PRKG1: variants seen among roughly 807,000 people sequenced by gnomAD.
PRKG1 encodes protein kinase cGMP-dependent 1.
PRKG1 carries 35 observed loss-of-function variants against 88.1 expected under a neutral mutation model. The ratio of observed to expected loss-of-function variants is 0.40; its 90% CI spans 0.30 to 0.53. The LOEUF (loss-of-function observed/expected upper bound fraction) is 0.53, where lower values mean the gene tolerates loss of function less well. Among genes scored for constraint, PRKG1 ranks in the 20% least tolerant of loss-of-function variants. The pLI is 0.59. For missense variants in PRKG1, 540 were observed against 839.8 expected (o/e 0.64, Z 4.41); for synonymous variants, 303 against 292.5 (o/e 1.04, Z -0.37).
chr10:52,160,280 A>G (rs1838244586), intron 8 of PRKG1, among the ~76,000 whole-genome samples: 1 of 152,032 alleles, frequency 6.6e-6, no homozygotes, highest in Non-Finnish European at 1.5e-5. Context: ...TAATATTTGA[A>G]CATATTTTTC....
At chr10:51,021,074 A>C (rs1457100828) in intron 1 of PRKG1, among the ~76,000 whole-genome samples, 16 of 152,158 alleles carry the variant, frequency 1.1e-4, no homozygotes. Context: ...AAGTTAAAAC[A>C]GTGAAGATCC....
intron 3 of PRKG1, among the ~76,000 whole-genome samples, chr10:51,483,900 C>T (rs890638502): frequency 6.6e-6 from 1 of 152,202 alleles, no homozygotes; most frequent in Non-Finnish European, 1.5e-5. Context: ...CAAAGTTTCC[C>T]TCCTTTACCT....
chr10:51,754,885 A>G (rs1837816858), intron 3 of PRKG1, among the ~76,000 whole-genome samples: 1 of 152,062 alleles, frequency 6.6e-6, no homozygotes, highest in South Asian at 2.1e-4. Flanking sequence ...TGTTGCCACT[A>G]TAAAAGCAGT....
chr10:52,012,428 G>A (rs1844913061), intron 5 of PRKG1, among the ~76,000 whole-genome samples: 1 of 152,152 alleles, frequency 6.6e-6, no homozygotes, highest in Middle Eastern at 3.4e-3. Flanking sequence ...ATTTTTAGTA[G>A]AGACAGGGTT....
At chr10:51,800,195 T>A (rs2132602361) in intron 3 of PRKG1, among the ~76,000 whole-genome samples, 1 of 152,050 alleles carries the variant, frequency 6.6e-6, no homozygotes, top group African/African-American at 2.4e-5. Flanking sequence ...AAAATAAGGG[T>A]GCTCTTTTTT....
chr10:52,206,284 G>A (rs574015846), intron 9 of PRKG1, among the ~76,000 whole-genome samples: 1 of 152,114 alleles, frequency 6.6e-6, no homozygotes, highest in South Asian at 2.1e-4. Flanking sequence ...TCTCTAAATG[G>A]CCATTTCCTC....
intron 3 of PRKG1, among the ~76,000 whole-genome samples, chr10:51,668,638 A>T (rs1191492045): frequency 6.6e-6 from 1 of 152,182 alleles, no homozygotes; most frequent in African/African-American, 2.4e-5. Context: ...CATAGTTAAG[A>T]CCTTAAGAAA....
intron 5 of PRKG1, among the ~76,000 whole-genome samples, chr10:52,035,681 A>G (rs1057114234): frequency 5.3e-5 from 8 of 152,234 alleles, no homozygotes; most frequent in South Asian, 4.1e-4. Context: ...TAATTGTGGG[A>G]GACTCAACAA....
chr10:52,265,583 A>T (rs1286013732), intron 10 of PRKG1, among the ~76,000 whole-genome samples: 2 of 152,112 alleles, frequency 1.3e-5, no homozygotes, highest in African/African-American at 4.8e-5. Flanking sequence ...TTCCTTCCCA[A>T]TAAAGGCAAA....
At chr10:51,480,313 G>T (rs1028719929) in intron 3 of PRKG1, among the ~76,000 whole-genome samples, 1 of 152,074 alleles carries the variant, frequency 6.6e-6, no homozygotes, top group Non-Finnish European at 1.5e-5. Context: ...TAATCTCTTT[G>T]CCAAAGGTGT....
intron 3 of PRKG1, among the ~76,000 whole-genome samples, chr10:51,634,889 T>A (rs80130230): frequency 0.021 from 3,230 of 152,204 alleles, 55 homozygotes; most frequent in Non-Finnish European, 0.033. Flanking sequence ...AGCTAAACAT[T>A]GAATTCACAT....
chr10:52,251,697 C>A, intron 10 of PRKG1, 31 bp downstream of exon 10: 6 of 1,541,730 alleles, frequency 3.9e-6, no homozygotes, highest in East Asian at 2.3e-5. Context: ...TGCTTTTGAT[C>A]GCCTCTGCTT....
At chr10:52,047,393 A>T (rs1374644462) in intron 5 of PRKG1, among the ~76,000 whole-genome samples, 1 of 152,102 alleles carries the variant, frequency 6.6e-6, no homozygotes, top group Non-Finnish European at 1.5e-5. Flanking sequence ...CTGTGATGAA[A>T]TCTGTGGTGA....
intron 3 of PRKG1, among the ~76,000 whole-genome samples, chr10:51,742,566 C>T (rs1254407704): frequency 1.3e-5 from 2 of 152,002 alleles, no homozygotes; most frequent in African/African-American, 4.8e-5. Flanking sequence ...CTCAAGTTGC[C>T]GGAACTGGTT....
intron 2 of PRKG1, among the ~76,000 whole-genome samples, chr10:51,311,918 T>C (rs1588824689): frequency 6.6e-6 from 1 of 152,008 alleles, no homozygotes; most frequent in Non-Finnish European, 1.5e-5. Flanking sequence ...GTTACCCAGG[T>C]TGGAGTGCAA....
intron 2 of PRKG1, among the ~76,000 whole-genome samples, chr10:51,450,601 T>C (rs1305748773): frequency 2.0e-5 from 3 of 152,050 alleles, no homozygotes; most frequent in African/African-American, 7.2e-5. Flanking sequence ...GGCCATCATT[T>C]CAGTTCATTA....
intron 1 of PRKG1, among the ~76,000 whole-genome samples, chr10:51,036,537 G>A (rs1356952773): frequency 6.6e-6 from 1 of 152,000 alleles, no homozygotes; most frequent in Non-Finnish European, 1.5e-5. Flanking sequence ...AAGAATCTGG[G>A]AAGGGGAGTG....
chr10:51,083,874 A>G (rs1159038691), intron 1 of PRKG1, among the ~76,000 whole-genome samples: 2 of 152,146 alleles, frequency 1.3e-5, no homozygotes, highest in Non-Finnish European at 2.9e-5. Flanking sequence ...GGTGTTGCTA[A>G]TGGTCTCTGC....
At chr10:52,004,803 G>A (rs989403537) in intron 5 of PRKG1, among the ~76,000 whole-genome samples, 19 of 152,110 alleles carry the variant, frequency 1.2e-4, no homozygotes, top group African/African-American at 3.9e-4. Context: ...GGCTCATGCC[G>A]GTAATCCCAG....
Sources: gnomAD v4.1 joint callset for allele counts (sites outside exome capture counted in the v4.1 genomes callset) on GRCh38, gnomAD v4.1.1 for gene constraint, MANE v1.5 for transcripts, NCBI Gene and HGNC (gene_info 2026-07-23, HGNC 2026-07-21) for gene names.